SH3PXD2A: variants seen among roughly 807,000 people sequenced by gnomAD.
SH3PXD2A encodes SH3 and PX domains 2A, also known as SH3 and PX domain-containing protein 2A.
A neutral mutation model predicts 115.2 loss-of-function variants in SH3PXD2A; 32 were observed. The ratio of observed to expected loss-of-function variants is 0.28; its 90% confidence interval spans 0.21 to 0.37. The LOEUF is 0.37. Ranked by LOEUF, SH3PXD2A falls within the 10% of genes least tolerant of loss-of-function variation. SH3PXD2A has a pLI of 1.00. For synonymous variants in SH3PXD2A, 610 were observed against 629.1 expected, an observed-to-expected ratio of 0.97 and a Z score of 0.45; for missense variants, 1,328 against 1,498.7, an observed-to-expected ratio of 0.89 and a Z score of 1.88.
chr10:103,633,727 C>CCAAAAAAAA lies in SH3PXD2A; in HGVS notation c.605-6526_605-6525insTTTTTTTTG, dbSNP rs1554905367. On this transcript the variant is annotated intron_variant, in intron 8 of 14. Transcript: ENST00000369774. ...TAGGCGATGGAGCAAGATTCTGTCT[C>CCAAAAAAAA]AAAAAAAAAAAAAAAAAAAAAAAAA... Among the ~76,000 whole-genome samples, 3 of 74,356 alleles carry CCAAAAAAAA rather than the reference C, an allele frequency of 4.0e-5. 1 individual carries two copies. The highest frequency in any genetic ancestry group is 5.2e-5 in the African/African-American group (1 of 19,194). The allele number at this position is 74,356 out of a possible 152,430, so 48.8% of individuals were successfully genotyped here.
intron 5 of SH3PXD2A, among the ~76,000 whole-genome samples, chr10:103,702,623 T>C (rs916885550): frequency 1.6e-4 from 4 of 24,398 alleles, no homozygotes; most frequent in Non-Finnish European, 2.2e-4. Context: ...GCATGCTGGG[T>C]GCGGAGGGCA....
intron 1 of SH3PXD2A, among the ~76,000 whole-genome samples, chr10:103,823,413 C>T (rs920678488): frequency 2.0e-5 from 3 of 152,228 alleles, no homozygotes; most frequent in Non-Finnish European, 2.9e-5. Flanking sequence ...ACTGCCCTTA[C>T]AGGGTTGGGA....
intron 3 of SH3PXD2A, among the ~76,000 whole-genome samples, chr10:103,742,652 G>A (rs12772158): frequency 6.6e-6 from 1 of 152,182 alleles, no homozygotes; most frequent in Non-Finnish European, 1.5e-5. Context: ...CAAGGACAGG[G>A]GTGGTTTCTA....
At chr10:103,618,433 G>T (rs2036553056) in intron 10 of SH3PXD2A, among the ~76,000 whole-genome samples, 1 of 152,208 alleles carries the variant, frequency 6.6e-6, no homozygotes, top group South Asian at 2.1e-4. Flanking sequence ...AAGAGTCCTT[G>T]CCTCCTGCCT....
At chr10:103,655,333 C>G (rs576861217) in intron 8 of SH3PXD2A, among the ~76,000 whole-genome samples, 1 of 152,314 alleles carries the variant, frequency 6.6e-6, no homozygotes, top group East Asian at 1.9e-4. Context: ...ACCTGCCCTT[C>G]TAGAAACAGC....
intron 6 of SH3PXD2A, among the ~76,000 whole-genome samples, chr10:103,686,802 C>T (rs1417964392): frequency 1.4e-5 from 2 of 144,404 alleles, no homozygotes; most frequent in African/African-American, 5.1e-5. Context: ...AGCTGGAGTG[C>T]AATGGCATGA....
chr10:103,701,131 CATCATCCATCCACT>C (rs1304859328), intron 5 of SH3PXD2A, among the ~76,000 whole-genome samples: 1,160 of 71,082 alleles, frequency 0.016, 176 homozygotes, highest in African/African-American at 0.054. Flanking sequence ...ATCATCCATC[CATCATCCATCCACT>C]ATCCATCCAT....
intron 3 of SH3PXD2A, among the ~76,000 whole-genome samples, chr10:103,736,354 C>T (rs931750885): frequency 2.0e-5 from 3 of 152,210 alleles, no homozygotes; most frequent in African/African-American, 4.8e-5. Context: ...ACACAGCCTC[C>T]AGCCATACGG....
chr10:103,626,873 T>C (rs1306225438), intron 9 of SH3PXD2A, among the ~76,000 whole-genome samples: 1 of 152,082 alleles, frequency 6.6e-6, no homozygotes, highest in African/African-American at 2.4e-5. Flanking sequence ...GTCTGAGCCA[T>C]CCCTCAGTTC....
At chr10:103,739,568 A>G (rs1045052181) in intron 3 of SH3PXD2A, among the ~76,000 whole-genome samples, 4 of 152,048 alleles carry the variant, frequency 2.6e-5, no homozygotes, top group African/African-American at 9.7e-5. Flanking sequence ...AAAGGGGGAG[A>G]GAAAAAGGAG....
At chr10:103,841,827 T>C (rs1211377856) in intron 1 of SH3PXD2A, among the ~76,000 whole-genome samples, 3 of 151,964 alleles carry the variant, frequency 2.0e-5, no homozygotes, top group African/African-American at 7.3e-5. Flanking sequence ...CCACCCTCTA[T>C]AAAATAGCAC....
chr10:103,704,129 G>A (rs1459752090), intron 5 of SH3PXD2A, among the ~76,000 whole-genome samples: 2 of 152,174 alleles, frequency 1.3e-5, no homozygotes, highest in Non-Finnish European at 2.9e-5. Context: ...GCCAGCACTG[G>A]TTCACCCTCG....
intron 10 of SH3PXD2A, 152 bp from the exon 11 acceptor site, chr10:103,617,466 C>A: frequency 1.6e-6 from 1 of 625,998 alleles, no homozygotes; most frequent in Non-Finnish European, 2.9e-6. Context: ...GAGGGAAGGA[C>A]CAGGCCCCAG....
intron 1 of SH3PXD2A, among the ~76,000 whole-genome samples, chr10:103,847,832 G>A (rs1320965391): frequency 6.6e-6 from 1 of 152,148 alleles, no homozygotes; most frequent in Non-Finnish European, 1.5e-5. Context: ...CCAGCTACTT[G>A]GGAGGCTAAG....
rs1330677759 is a variant in SH3PXD2A, at chr10:103,596,858, T to TA, written c.*4957_*4958insT. The TA allele has an allele frequency of 3.9e-5, 6 of 152,474 alleles. No homozygotes were observed. Among genetic ancestry groups the TA allele is most frequent in the African/African-American group, 1.2e-4 (5 of 41,384 alleles). The allele number at this position is 152,474 out of a possible 1,614,324, so 9.4% of individuals were successfully genotyped here. On this transcript the variant is annotated 3_prime_UTR_variant, in exon 15 of 15. Transcript: ENST00000369774. ...GTCCCATTCCAGGCACAGAGATCTG[T>TA]GTCTGTGCAGAAATTCACCAAATAG... is the stretch of plus-strand genomic sequence containing the variant.
At chr10:103,820,764 C>G (rs1378701548) in intron 1 of SH3PXD2A, among the ~76,000 whole-genome samples, 2 of 152,182 alleles carry the variant, frequency 1.3e-5, no homozygotes, top group Non-Finnish European at 2.9e-5. Context: ...CCAGCCATGT[C>G]TTCTGAGATG....
chr10:103,809,746 G>A (rs1369001880), intron 1 of SH3PXD2A, among the ~76,000 whole-genome samples: 4 of 139,488 alleles, frequency 2.9e-5, no homozygotes, highest in Non-Finnish European at 4.5e-5. Flanking sequence ...GTGCAGTGGC[G>A]CCATCTCAGA....
intron 1 of SH3PXD2A, among the ~76,000 whole-genome samples, chr10:103,839,230 T>C (rs1448528154): frequency 6.6e-6 from 1 of 152,104 alleles, no homozygotes; most frequent in East Asian, 1.9e-4. Flanking sequence ...CCAACACCCC[T>C]ACACCCTGAA....
intron 6 of SH3PXD2A, among the ~76,000 whole-genome samples, chr10:103,687,584 C>A (rs1480149170): frequency 2.0e-5 from 3 of 152,186 alleles, no homozygotes; most frequent in African/African-American, 7.2e-5. Flanking sequence ...GAGCCCACAT[C>A]CTATCTCACC....
Sources: gnomAD v4.1 joint callset for allele counts (sites outside exome capture counted in the v4.1 genomes callset) on GRCh38, gnomAD v4.1.1 for gene constraint, MANE v1.5 for transcripts, NCBI Gene and HGNC (gene_info 2026-07-23, HGNC 2026-07-21) for gene names.